Variants in KIAA1217 observed in about 807,000 individuals in gnomAD.
The protein encoded by KIAA1217 is sickle tail protein homolog.
KIAA1217 carries 88 observed loss-of-function variants against 163.9 expected under a neutral mutation model. The observed-to-expected ratio is 0.54, with a 90% CI of 0.45 to 0.64. The LOEUF (loss-of-function observed/expected upper bound fraction) is 0.64, where lower values mean the gene tolerates loss of function less well. Ranked by LOEUF, KIAA1217 falls within the 30% of genes least tolerant of loss-of-function variation. KIAA1217 has a pLI of 0.00. For missense variants in KIAA1217, 2,372 were observed against 2,475.0 expected, an observed-to-expected ratio of 0.96 and a Z score of 0.88; for synonymous variants, 903 against 923.1, an observed-to-expected ratio of 0.98 and a Z score of 0.39.
chr10:24,126,642 A>T (rs2063482680), intron 2 of KIAA1217, among the ~76,000 whole-genome samples: 1 of 152,058 alleles, frequency 6.6e-6, no homozygotes, highest in African/African-American at 2.4e-5. Flanking sequence ...ATTTGCTTTT[A>T]ATTCATGTCC....
chr10:24,122,196 G>A (rs1694040385), intron 2 of KIAA1217, among the ~76,000 whole-genome samples: 1 of 142,162 alleles, frequency 7.0e-6, no homozygotes, highest in Non-Finnish European at 1.5e-5. Context: ...CTGTCTTTAT[G>A]TCCATGTGTA....
At chr10:24,368,427 A>G (rs2051094245) in intron 2 of KIAA1217, among the ~76,000 whole-genome samples, 1 of 152,034 alleles carries the variant, frequency 6.6e-6, no homozygotes, top group African/African-American at 2.4e-5. Context: ...CTTGAAACAA[A>G]TAAATCTTCA....
intron 1 of KIAA1217, among the ~76,000 whole-genome samples, chr10:23,856,271 G>A (rs1319223393): frequency 6.6e-6 from 1 of 152,194 alleles, no homozygotes; most frequent in Non-Finnish European, 1.5e-5. Flanking sequence ...TTTGCTAGAG[G>A]TCCACTCCAG....
At chr10:23,910,049 A>G (rs1842362544) in intron 1 of KIAA1217, among the ~76,000 whole-genome samples, 1 of 152,102 alleles carries the variant, frequency 6.6e-6, no homozygotes, top group African/African-American at 2.4e-5. Context: ...ATGACCATTG[A>G]CAGAAAACCA....
chr10:23,719,826 A>T (rs1285303856), intron 1 of KIAA1217, among the ~76,000 whole-genome samples: 2 of 151,618 alleles, frequency 1.3e-5, no homozygotes, highest in Admixed American at 6.6e-5. Flanking sequence ...GCTGAGGAGG[A>T]TCTCTTGAAC....
chr10:24,474,782 T>C (rs2063834295), intron 6 of KIAA1217, among the ~76,000 whole-genome samples: 1 of 152,204 alleles, frequency 6.6e-6, no homozygotes, highest in Non-Finnish European at 1.5e-5. Context: ...AAAGCTAATT[T>C]TGATAAAGGG....
Position 24,222,923 on chromosome 10 carries a change from G to C in KIAA1217, c.354+3014G>C, listed in dbSNP as rs531863781. On this transcript the variant is annotated intron_variant, in intron 2 of 20. Transcript: ENST00000376454. ...TATTTCTTGATGATATGCTAAACAA[G>C]GGGTGGATTATTCATGCCTCCCCTT... is the stretch of plus-strand genomic sequence containing the variant. Among the ~76,000 whole-genome samples, 4 of 152,304 alleles carry C rather than the reference G, an allele frequency of 2.6e-5. No individual in the cohort carries two copies. The South Asian group carries it at 6.2e-4, about 24-fold the overall frequency.
chr10:24,013,435 A>G (rs971877405), intron 2 of KIAA1217, among the ~76,000 whole-genome samples: 17 of 152,140 alleles, frequency 1.1e-4, no homozygotes, highest in African/African-American at 4.1e-4. Context: ...TGCATTAATC[A>G]GTGGACAAAA....
intron 1 of KIAA1217, among the ~76,000 whole-genome samples, chr10:23,718,074 A>G (rs1357436079): frequency 6.6e-6 from 1 of 152,206 alleles, no homozygotes; most frequent in East Asian, 1.9e-4. Context: ...TACTTAGCTT[A>G]TGATTCAGTA....
intron 2 of KIAA1217, among the ~76,000 whole-genome samples, chr10:24,295,428 G>A (rs1477380129): frequency 6.6e-6 from 1 of 152,154 alleles, no homozygotes; most frequent in Non-Finnish European, 1.5e-5. Flanking sequence ...TTATGACTGT[G>A]TCTACTTTAG....
intron 2 of KIAA1217, among the ~76,000 whole-genome samples, chr10:24,115,795 G>T (rs2063029023): frequency 6.6e-6 from 1 of 152,208 alleles, no homozygotes; most frequent in South Asian, 2.1e-4. Flanking sequence ...AACTGGGGAG[G>T]TTCCTGGATA....
intron 1 of KIAA1217, among the ~76,000 whole-genome samples, chr10:23,815,623 G>A (rs957915794): frequency 2.0e-4 from 31 of 152,178 alleles, no homozygotes; most frequent in African/African-American, 6.7e-4. Context: ...CAGCCTGGGC[G>A]ACAGAGCAAG....
intron 6 of KIAA1217, among the ~76,000 whole-genome samples, chr10:24,478,832 G>A (rs1368867911): frequency 6.6e-6 from 1 of 152,154 alleles, no homozygotes; most frequent in East Asian, 1.9e-4. Flanking sequence ...TCTATTTGTA[G>A]TTTGGATCAT....
chr10:23,848,994 G>A (rs1839176952), intron 1 of KIAA1217, among the ~76,000 whole-genome samples: 1 of 152,000 alleles, frequency 6.6e-6, no homozygotes, highest in South Asian at 2.1e-4. Flanking sequence ...CAGAAATTGT[G>A]TCTATTTTCT....
intron 12 of KIAA1217, among the ~76,000 whole-genome samples, chr10:24,522,942 T>TCC (rs1404345082): frequency 6.6e-6 from 1 of 152,166 alleles, no homozygotes; most frequent in East Asian, 1.9e-4. Context: ...GCCACTGCAC[T>TCC]CCAGCCTGGG....
intron 2 of KIAA1217, among the ~76,000 whole-genome samples, chr10:24,225,075 T>G (rs2070325718): frequency 6.6e-6 from 1 of 152,172 alleles, no homozygotes; most frequent in South Asian, 2.1e-4. Context: ...TCTGCCCGCC[T>G]TGGCCTCCCA....
chr10:23,837,232 T>A (rs567478595), intron 1 of KIAA1217, among the ~76,000 whole-genome samples: 1 of 152,172 alleles, frequency 6.6e-6, no homozygotes, highest in Non-Finnish European at 1.5e-5. Flanking sequence ...TGAGATAAAT[T>A]TCTCTTGTTC....
chr10:23,819,417 T>C (rs777612849), intron 1 of KIAA1217, among the ~76,000 whole-genome samples: 2 of 152,064 alleles, frequency 1.3e-5, no homozygotes, highest in Admixed American at 6.6e-5. Flanking sequence ...CTGAATGTAA[T>C]AAGGGAAAGA....
intron 2 of KIAA1217, among the ~76,000 whole-genome samples, chr10:24,055,285 G>T (rs1414629341): frequency 6.6e-6 from 1 of 151,906 alleles, no homozygotes; most frequent in East Asian, 1.9e-4. Context: ...AAAAGAAAAA[G>T]AATTTTCTTG....
Sources: allele counts gnomAD v4.1 joint callset (sites outside exome capture counted in the v4.1 genomes callset), GRCh38; gene constraint gnomAD v4.1.1; transcripts MANE v1.5; gene names NCBI Gene and HGNC (gene_info 2026-07-23, HGNC 2026-07-21).